The following VPS52 variants were observed in gnomAD, a reference collection of about 807,000 sequenced individuals.
VPS52 encodes vacuolar protein sorting-associated protein 52 homolog.
Under a neutral mutation model 98.7 loss-of-function variants are expected in VPS52, and 56 were observed. The observed-to-expected ratio is 0.57, with a 90% CI of 0.46 to 0.71. The LOEUF (loss-of-function observed/expected upper bound fraction) is 0.71. Ranked by LOEUF, VPS52 falls within the 30% of genes least tolerant of loss-of-function variation. The pLI is 0.00. For missense variants in VPS52, 742 were observed against 925.9 expected (o/e 0.80, Z 2.58); for synonymous variants, 348 against 346.4 (o/e 1.00, Z -0.05).
chr6:33,258,604 TGA>T (rs1348777417), intron 17 of VPS52, among the ~76,000 whole-genome samples: 6 of 152,182 alleles, frequency 3.9e-5, no homozygotes, highest in Non-Finnish European at 7.3e-5. Flanking sequence ...CTTTATTTTT[TGA>T]GAGAGTCACG....
At position 33,251,558 on chromosome 6, in the gene VPS52, C is replaced by T. The variant is rs143774398; in HGVS notation, c.1985G>A (p.Arg662Gln). 4,496 of 1,613,920 alleles carry T rather than the reference C, an allele frequency of 2.8e-3. 18 individuals carry two copies. Among genetic ancestry groups the T allele is most frequent in the Non-Finnish European group, 2.6e-3 (3,087 of 1,179,914 alleles). The change falls in exon 19 of 20, where the codon CGG becomes CAG. Residue 662 changes from arginine to glutamine, a missense_variant. By Grantham distance (43) the Arg-to-Gln change is conservative. This residue lies in a region of VPS52 where 590 missense variants were observed against 793.3 expected (regional missense o/e 0.74). Coordinates refer to ENST00000445902, the MANE Select transcript of VPS52 (RefSeq NM_022553.6). Reference protein sequence around the residue: ...SVESLSQDVMRSFTNFRNGTS... With the variant: ...SVESLSQDVMQSFTNFRNGTS... Reference sequence around the variant, plus strand: ...GCCATTTCTGAAGTTGGTGAAACTCCGCATTACATCCTGACTCAGAGATTC... The same window carrying T: ...GCCATTTCTGAAGTTGGTGAAACTCTGCATTACATCCTGACTCAGAGATTC...
chr6:33,250,594 A>G lies in VPS52; in HGVS notation c.*247T>C. 1.9e-6 allele frequency: 1 copy of G among 516,798 alleles called. No individual in the cohort carries two copies. Among genetic ancestry groups the G allele is most frequent in the Non-Finnish European group, 3.4e-6 (1 of 294,312 alleles). The allele number at this position is 516,798 out of a possible 1,614,324, so 32.0% of individuals were successfully genotyped here. On this transcript the variant is annotated 3_prime_UTR_variant, in exon 20 of 20. Coordinates refer to ENST00000445902, the MANE Select transcript of VPS52 (RefSeq NM_022553.6). ...GGGTGACAGACTGGAGAAATGATAA[A>G]GGCCATTTTGGAAGCCCACAGGGAA... is the stretch of plus-strand genomic sequence containing the variant.
intron 17 of VPS52, 124 bp from the exon 18 acceptor site, chr6:33,252,095 A>G (rs1762334801): frequency 1.3e-6 from 1 of 751,002 alleles, no homozygotes; most frequent in Admixed American, 2.6e-5. Flanking sequence ...AGTTAAGGAA[A>G]ATCCTCTATG....
In VPS52 at chr6:33,267,664, T is replaced by A. The variant is rs772393367; in HGVS notation, c.991+18A>T. The A allele has an allele frequency of 3.1e-6, 5 of 1,612,834 alleles. No homozygotes were observed. Among genetic ancestry groups the A allele is most frequent in the Non-Finnish European group, 2.5e-6 (3 of 1,179,972 alleles). ...CACTCTCAAGGCCTGGCATGAGGGT[T>A]CCCCAGTACTAGGATATCTTTCTTT... On this transcript the variant is annotated intron_variant, in intron 10 of 19. Coordinates refer to ENST00000445902, the MANE Select transcript of VPS52 (RefSeq NM_022553.6). The surrounding 1 kb of genome is among the most constrained non-coding windows in gnomAD (Gnocchi z 4.2).
chr6:33,252,062 T>C, intron 17 of VPS52, 91 bp from the exon 18 acceptor site: 1 of 1,025,568 alleles, frequency 9.8e-7, no homozygotes, highest in South Asian at 1.4e-5. Flanking sequence ...TCCATCTGAA[T>C]GGCATCTTTC....
At position 33,270,409 on chromosome 6, in the gene VPS52, G is replaced by A. The variant is rs950049651; in HGVS notation, c.91-126C>T. 5.8e-6 allele frequency: 5 copies of A among 859,580 alleles called. No individual in the cohort carries two copies. The African/African-American group carries it at 8.6e-5, about 15-fold the overall frequency. 53.2% of individuals were successfully genotyped at this position (859,580 alleles called of 1,614,324 possible). The stretch of plus-strand genomic sequence containing the variant: ...TACTGGGAGCCACAGGTACTGCTTT[G>A]AAAAATTCTAAGAGTCTCACGTTGT... On this transcript the variant is annotated intron_variant, in intron 1 of 19. Coordinates refer to ENST00000445902, the MANE Select transcript of VPS52 (RefSeq NM_022553.6).
At chr6:33,259,667 A>G (rs1201413388) in intron 17 of VPS52, among the ~76,000 whole-genome samples, 2 of 152,166 alleles carry the variant, frequency 1.3e-5, no homozygotes, top group African/African-American at 4.8e-5. Context: ...TTCAGACTAC[A>G]GATGCTAACC....
chr6:33,269,216 G>A (rs1245909232), intron 5 of VPS52, 27 bp from the exon 6 acceptor site: 8 of 1,611,180 alleles, frequency 5.0e-6, no homozygotes, highest in Non-Finnish European at 6.8e-6. Context: ...TGTTGCCGGA[G>A]TGCTATAGGG....
At chr6:33,255,668 TG>T (rs1371507610) in intron 17 of VPS52, among the ~76,000 whole-genome samples, 2 of 151,616 alleles carry the variant, frequency 1.3e-5, no homozygotes, top group Non-Finnish European at 2.9e-5. Context: ...GCTGGGCACC[TG>T]TAGTCTCAGC....
Position 33,269,470 on chromosome 6 carries a change from C to T in VPS52, c.372+20G>A. On this transcript the variant is annotated intron_variant, in intron 5 of 19. Transcript: ENST00000445902. ...CTGGTTCAGAGTAGCTATTAGGGGT[C>T]ACAGGTCATGATTACTAACCTCCAG... The T allele has an allele frequency of 6.2e-7, 1 of 1,613,000 alleles. No individual in the cohort carries two copies. The highest frequency in any genetic ancestry group is 1.1e-5 in the South Asian group (1 of 91,076).
intron 1 of VPS52, among the ~76,000 whole-genome samples, chr6:33,270,741 G>T (rs1764927862): frequency 6.6e-6 from 1 of 152,152 alleles, no homozygotes; most frequent in African/African-American, 2.4e-5. Flanking sequence ...ACGAGGTCAG[G>T]AGATCGAGAC....
At position 33,251,504 on chromosome 6, in the gene VPS52, G is replaced by A. The variant is rs1231797156; in HGVS notation, c.2025+14C>T. 4 of 1,533,496 alleles carry A rather than the reference G, an allele frequency of 2.6e-6. No individual in the cohort carries two copies. The highest frequency in any genetic ancestry group is 3.4e-5 in the Admixed American group (2 of 59,184). The allele number at this position is 1,533,496 out of a possible 1,614,324, so 95.0% of individuals were successfully genotyped here. A position where few individuals can be genotyped will look rare whatever the true frequency, so the allele number is the denominator to read the frequency against. On this transcript the variant is annotated intron_variant, in intron 19 of 19. Coordinates refer to ENST00000445902, the MANE Select transcript of VPS52 (RefSeq NM_022553.6). The stretch of plus-strand genomic sequence containing the variant: ...GATGGGGGATCTGAGTGGGGCCTGG[G>A]ACTTGCAGGTCACCTGAATGATACT...
At chr6:33,261,758 C>T (rs1763657520) in intron 17 of VPS52, among the ~76,000 whole-genome samples, 1 of 151,590 alleles carries the variant, frequency 6.6e-6, no homozygotes, top group African/African-American at 2.4e-5. Flanking sequence ...AGCTTCTGCA[C>T]AGCTGGGCAC....
At chr6:33,255,305 G>A (rs1449585173) in intron 17 of VPS52, among the ~76,000 whole-genome samples, 2 of 151,992 alleles carry the variant, frequency 1.3e-5, no homozygotes, top group East Asian at 3.9e-4. Context: ...GGCAGCTGGC[G>A]AGTCTCTATA....
intron 12 of VPS52, 32 bp downstream of exon 12, chr6:33,266,525 G>C: frequency 6.4e-7 from 1 of 1,554,060 alleles, no homozygotes; most frequent in Non-Finnish European, 8.7e-7. Context: ...GGGGACAAAG[G>C]TGTTGAATGG....
chr6:33,251,854 T>C lies in VPS52; in HGVS notation c.1906+6A>G. On this transcript the variant is annotated splice_donor_region_variant and intron_variant, in intron 18 of 19. Transcript: ENST00000445902. ...TGATCCCATCATTACCATATTTTCCTCATACCTTCTTCCCCTCGAAGTCGC... is the reference window on the plus strand; with the variant it reads ...TGATCCCATCATTACCATATTTTCCCCATACCTTCTTCCCCTCGAAGTCGC... 6.2e-7 allele frequency: 1 copy of C among 1,613,572 alleles called. No homozygotes were observed.
chr6:33,258,462 CAAAA>C (rs577211753), intron 17 of VPS52, among the ~76,000 whole-genome samples: 3 of 115,154 alleles, frequency 2.6e-5, no homozygotes, highest in African/African-American at 3.3e-5. Context: ...CTCATCTCAC[CAAAA>C]AAAAAAAAAA....
upstream of VPS52, chr6:33,271,961 A>G: frequency 2.8e-6 from 3 of 1,087,580 alleles, no homozygotes; most frequent in African/African-American, 1.6e-5. Context: ...TACCCAAGCC[A>G]TACTCTCATA....
chr6:33,267,673 C>T lies in VPS52; in HGVS notation c.991+9G>A. 1.2e-6 allele frequency: 2 copies of T among 1,613,016 alleles called. No individual in the cohort carries two copies. Among genetic ancestry groups the T allele is most frequent in the East Asian group, 2.2e-5 (1 of 44,894 alleles). Reference sequence around the variant, plus strand: ...GGCCTGGCATGAGGGTTCCCCAGTACTAGGATATCTTTCTTTGCTGTATCT... The same window carrying T: ...GGCCTGGCATGAGGGTTCCCCAGTATTAGGATATCTTTCTTTGCTGTATCT... On this transcript the variant is annotated intron_variant, in intron 10 of 19. Coordinates refer to ENST00000445902, the MANE Select transcript of VPS52 (RefSeq NM_022553.6). This position sits in a 1 kb window ranked among gnomAD's most constrained non-coding sequence, Gnocchi z 4.2.
Sources: gnomAD v4.1 joint callset for allele counts (sites outside exome capture counted in the v4.1 genomes callset) on GRCh38, gnomAD v4.1.1 for gene constraint, gnomAD v4.1.1 regional missense constraint, Gnocchi (gnomAD v3.1) non-coding constraint, MANE v1.5 for transcripts, NCBI Gene and HGNC (gene_info 2026-07-23, HGNC 2026-07-21) for gene names.